Variants in SH3GL2 observed in about 807,000 individuals in gnomAD.
The protein encoded by SH3GL2 is endophilin-A1.
In SH3GL2, 24 loss-of-function variants were observed where a neutral mutation model predicts 46.0. The observed-to-expected ratio is 0.52, with a 90% CI of 0.38 to 0.73. The LOEUF (loss-of-function observed/expected upper bound fraction) is 0.73, where lower values mean the gene tolerates loss of function less well. Ranked by LOEUF, SH3GL2 falls within the 30% of genes least tolerant of loss-of-function variation. The probability of loss-of-function intolerance (pLI) is 0.00; values close to 1 mark genes in which losing one functional copy is unlikely to be tolerated. For synonymous variants in SH3GL2, 196 were observed against 147.1 expected (o/e 1.33, Z -2.40); for missense variants, 413 against 424.2 (o/e 0.97, Z 0.23).
At chr9:17,690,421 G>A (rs1448840732) in intron 1 of SH3GL2, among the ~76,000 whole-genome samples, 1 of 151,982 alleles carries the variant, frequency 6.6e-6, no homozygotes, top group Non-Finnish European at 1.5e-5. Flanking sequence ...GACCTCTTTG[G>A]CTTTGGTCTT....
intron 1 of SH3GL2, among the ~76,000 whole-genome samples, chr9:17,613,861 T>C (rs558923218): frequency 6.6e-6 from 1 of 152,304 alleles, no homozygotes; most frequent in African/African-American, 2.4e-5. Flanking sequence ...TCCCCTTCCC[T>C]CCTGGCTGAC....
chr9:17,744,465 A>C (rs778646431), intron 1 of SH3GL2, among the ~76,000 whole-genome samples: 2 of 151,736 alleles, frequency 1.3e-5, no homozygotes, highest in African/African-American at 2.4e-5. Flanking sequence ...TCCTGAGCTC[A>C]AGCAATTCTT....
intron 1 of SH3GL2, among the ~76,000 whole-genome samples, chr9:17,607,515 C>T (rs1449408608): frequency 6.6e-6 from 1 of 152,098 alleles, no homozygotes. Context: ...TTTTTCAGGT[C>T]TTATAATCTT....
intron 1 of SH3GL2, among the ~76,000 whole-genome samples, chr9:17,610,698 G>A (rs957599352): frequency 6.6e-6 from 1 of 151,352 alleles, no homozygotes; most frequent in Non-Finnish European, 1.5e-5. Context: ...ATTAAGCAAA[G>A]CCATTCAAGA....
rs116847540 is a variant in SH3GL2 at position 17,720,094 on chromosome 9, A to G, written c.46-26972A>G. On this transcript the variant is annotated intron_variant, in intron 1 of 8. Transcript: ENST00000380607. ...TATTAAATTTTATCAATAGGAAGAA[A>G]GATGTTTACTTTATTTTGCTTGATT... 6.2e-3 allele frequency among the ~76,000 whole-genome samples: 939 copies of G among 152,176 alleles called. 29 individuals carry two copies. The East Asian group carries it at 0.08, about 13-fold the overall frequency.
At chr9:17,717,549 C>T (rs772430272) in intron 1 of SH3GL2, among the ~76,000 whole-genome samples, 2 of 152,068 alleles carry the variant, frequency 1.3e-5, no homozygotes, top group African/African-American at 4.8e-5. Context: ...ATTCCTGTAT[C>T]TGTGAGTGCC....
intron 1 of SH3GL2, among the ~76,000 whole-genome samples, chr9:17,660,205 T>A (rs772968718): frequency 6.7e-6 from 1 of 148,870 alleles, no homozygotes; most frequent in African/African-American, 2.6e-5. Context: ...TGTGTTAAAT[T>A]TGAAATAGTT....
intron 1 of SH3GL2, chr9:17,653,751 A>T: frequency 4.0e-6 from 1 of 247,640 alleles, no homozygotes; most frequent in Non-Finnish European, 6.4e-6. Flanking sequence ...CTTAACTTTT[A>T]CATGGAAGCC....
At chr9:17,623,406 G>A (rs925067598) in intron 1 of SH3GL2, among the ~76,000 whole-genome samples, 3 of 152,094 alleles carry the variant, frequency 2.0e-5, no homozygotes, top group African/African-American at 7.2e-5. Context: ...TCTATATAGG[G>A]TAGTGTGTAG....
intron 1 of SH3GL2, among the ~76,000 whole-genome samples, chr9:17,689,601 C>T (rs1427144428): frequency 6.6e-6 from 1 of 151,700 alleles, no homozygotes; most frequent in Non-Finnish European, 1.5e-5. Flanking sequence ...CTTAGCCCCT[C>T]CTCCTTAGCA....
At chr9:17,681,254 CA>C (rs1820759220) in intron 1 of SH3GL2, among the ~76,000 whole-genome samples, 1 of 152,118 alleles carries the variant, frequency 6.6e-6, no homozygotes, top group African/African-American at 2.4e-5. Context: ...ACAATAACAA[CA>C]ACAAAAGAGT....
At chr9:17,754,539 G>A (rs998317681) in intron 2 of SH3GL2, among the ~76,000 whole-genome samples, 1 of 152,098 alleles carries the variant, frequency 6.6e-6, no homozygotes, top group Non-Finnish European at 1.5e-5. Context: ...TGGGTATGGT[G>A]GCAGGCGCCT....
intron 1 of SH3GL2, among the ~76,000 whole-genome samples, chr9:17,615,911 C>G (rs958460401): frequency 2.0e-5 from 3 of 152,056 alleles, no homozygotes; most frequent in African/African-American, 7.2e-5. Context: ...CTCCATTTTA[C>G]TTTTTCTACT....
chr9:17,766,017 ATT>A (rs1823307428), intron 3 of SH3GL2, among the ~76,000 whole-genome samples: 1 of 152,206 alleles, frequency 6.6e-6, no homozygotes, highest in Admixed American at 6.5e-5. Flanking sequence ...TGTAACCAAC[ATT>A]TGTCACATGC....
chr9:17,612,212 G>A (rs576280029), intron 1 of SH3GL2, among the ~76,000 whole-genome samples: 1 of 152,180 alleles, frequency 6.6e-6, no homozygotes, highest in African/African-American at 2.4e-5. Flanking sequence ...AGGAACAGAA[G>A]GCACAGAGGA....
chr9:17,661,343 G>T (rs970929160), intron 1 of SH3GL2, among the ~76,000 whole-genome samples: 10 of 152,126 alleles, frequency 6.6e-5, no homozygotes, highest in Non-Finnish European at 1.3e-4. Flanking sequence ...TATGATGGAT[G>T]ACAGGCCCAG....
rs375263501 is a variant in SH3GL2 at position 17,635,902 on chromosome 9, C to T, written c.45+56615C>T. On this transcript the variant is annotated intron_variant, in intron 1 of 8. Transcript: ENST00000380607. ...AAAAATGGCAGTTTCTATTTTCTCT[C>T]ACCTCCATTTATCAGCCTGGTCACA... Among the ~76,000 whole-genome samples the T allele has an allele frequency of 1.3e-4, 20 of 152,282 alleles. No homozygotes were observed. The East Asian group carries it at 1.4e-3, about 10-fold the overall frequency.
intron 2 of SH3GL2, among the ~76,000 whole-genome samples, chr9:17,751,007 A>G (rs868457818): frequency 9.9e-5 from 15 of 152,268 alleles, no homozygotes; most frequent in Middle Eastern, 6.8e-3. Context: ...TAAATCCTGA[A>G]CATGTCTCTT....
At chr9:17,640,340 G>A (rs1221012849) in intron 1 of SH3GL2, among the ~76,000 whole-genome samples, 1 of 151,816 alleles carries the variant, frequency 6.6e-6, no homozygotes, top group Non-Finnish European at 1.5e-5. Context: ...TAGAGAATTT[G>A]GAAAAAGTTT....
Sources: allele counts gnomAD v4.1 joint callset (sites outside exome capture counted in the v4.1 genomes callset), GRCh38; gene constraint gnomAD v4.1.1; transcripts MANE v1.5; gene names NCBI Gene and HGNC (gene_info 2026-07-23, HGNC 2026-07-21).